The following KRABD5 variants were observed in gnomAD, a reference collection of about 807,000 sequenced individuals.
KRABD5 encodes KRAB domain containing 5.
the KRABD5 span, among the ~76,000 whole-genome samples, chr16:31,722,448 C>T: frequency 6.6e-6 from 1 of 152,136 alleles, no homozygotes; most frequent in Non-Finnish European, 1.5e-5. Context: ...CATTCTCTTT[C>T]CACAGAGTTA....
At chr16:31,744,699 T>C in the KRABD5 span, among the ~76,000 whole-genome samples, 1 of 152,242 alleles carries the variant, frequency 6.6e-6, no homozygotes. Context: ...GAAGGAATGT[T>C]ACCAGCTCCT....
At chr16:31,717,069 T>C in the KRABD5 span, among the ~76,000 whole-genome samples, 1,829 of 143,532 alleles carry the variant, frequency 0.013, 41 homozygotes, top group African/African-American at 0.045. Flanking sequence ...CGTTCTTGGC[T>C]CACTGCAACC....
the KRABD5 span, chr16:31,722,848 A>C: frequency 7.5e-7 from 1 of 1,341,188 alleles, no homozygotes; most frequent in Non-Finnish European, 9.9e-7. Context: ...TATGCTTTAT[A>C]TGAATGAATT....
At chr16:31,713,286 T>G in the KRABD5 span, 3 of 1,125,896 alleles carry the variant, frequency 2.7e-6, no homozygotes, top group Non-Finnish European at 3.9e-6. Context: ...AAGAGCTCAG[T>G]CTCTTCACCA....
chr16:31,743,191 T>C, the KRABD5 span, among the ~76,000 whole-genome samples: 1 of 152,206 alleles, frequency 6.6e-6, no homozygotes, highest in South Asian at 2.1e-4. Flanking sequence ...CGTGAAGTCT[T>C]TGCCCATGTC....
At chr16:31,744,424 G>A in the KRABD5 span, among the ~76,000 whole-genome samples, 22 of 152,204 alleles carry the variant, frequency 1.4e-4, no homozygotes, top group East Asian at 3.1e-3. Context: ...GACGGATTAC[G>A]TTTATTGATT....
the KRABD5 span, among the ~76,000 whole-genome samples, chr16:31,729,835 C>G: frequency 1.3e-5 from 2 of 151,440 alleles, no homozygotes; most frequent in East Asian, 3.9e-4. Context: ...GGTTATAAGA[C>G]TTACATAAAA....
At chr16:31,750,327 T>C in the KRABD5 span, among the ~76,000 whole-genome samples, 5 of 152,316 alleles carry the variant, frequency 3.3e-5, no homozygotes, top group South Asian at 1.0e-3. Context: ...TGTTCTTGAT[T>C]TGGCACTCAG....
At chr16:31,717,993 T>G in the KRABD5 span, among the ~76,000 whole-genome samples, 573 of 152,290 alleles carry the variant, frequency 3.8e-3, 2 homozygotes, top group Non-Finnish European at 5.7e-3. Flanking sequence ...TCCATGCCCC[T>G]GGCATCTTCA....
At chr16:31,752,905 T>G in the KRABD5 span, among the ~76,000 whole-genome samples, 1 of 152,204 alleles carries the variant, frequency 6.6e-6, no homozygotes, top group African/African-American at 2.4e-5. Flanking sequence ...AGTTAATAGA[T>G]TTCTACTTCT....
At chr16:31,730,949 T>G in the KRABD5 span, among the ~76,000 whole-genome samples, 113 of 152,348 alleles carry the variant, frequency 7.4e-4, no homozygotes, top group African/African-American at 2.7e-3. Flanking sequence ...TATAAAACTT[T>G]TTAGTTATCT....
chr16:31,742,109 C>T, the KRABD5 span, among the ~76,000 whole-genome samples: 1 of 151,104 alleles, frequency 6.6e-6, no homozygotes, highest in African/African-American at 2.4e-5. Flanking sequence ...GTGTGTGCCT[C>T]TATTTATTTC....
the KRABD5 span, among the ~76,000 whole-genome samples, chr16:31,746,868 T>C: frequency 2.0e-5 from 3 of 152,114 alleles, no homozygotes; most frequent in African/African-American, 7.2e-5. Flanking sequence ...AGCCAGGTGG[T>C]CTTCAAATGC....
At chr16:31,719,851 C>T in the KRABD5 span, among the ~76,000 whole-genome samples, 6 of 152,170 alleles carry the variant, frequency 3.9e-5, no homozygotes, top group Non-Finnish European at 7.3e-5. Flanking sequence ...TCCTGCAGAC[C>T]CAGTAGTTGC....
chr16:31,742,254 G>C, the KRABD5 span, among the ~76,000 whole-genome samples: 1 of 149,716 alleles, frequency 6.7e-6, no homozygotes, highest in Non-Finnish European at 1.5e-5. Context: ...ATAGGTATAT[G>C]TGTGCCATGG....
chr16:31,754,105 A>G, the KRABD5 span: 1 of 709,252 alleles, frequency 1.4e-6, no homozygotes, highest in Non-Finnish European at 2.5e-6. Flanking sequence ...GGAAATTTGG[A>G]TAATCCGAAT....
At chr16:31,713,427 T>A in the KRABD5 span, 4 of 1,605,676 alleles carry the variant, frequency 2.5e-6, no homozygotes, top group Non-Finnish European at 3.4e-6. Context: ...TCCCGGAAGC[T>A]GGGAAATGGT....
At chr16:31,748,710 TTCTCA>T in the KRABD5 span, among the ~76,000 whole-genome samples, 1 of 152,164 alleles carries the variant, frequency 6.6e-6, no homozygotes, top group East Asian at 1.9e-4. Flanking sequence ...AGTTGATTCT[TTCTCA>T]TCTCTGTGAG....
the KRABD5 span, chr16:31,758,467 A>AT: frequency 1.5e-4 from 23 of 151,960 alleles, no homozygotes; most frequent in African/African-American, 5.6e-4. Flanking sequence ...TTCAGGAAAA[A>AT]CTTAAACACT....
Sources: gnomAD v4.1 joint callset for allele counts (sites outside exome capture counted in the v4.1 genomes callset) on GRCh38, gnomAD v4.1.1 for gene constraint, MANE v1.5 for transcripts, NCBI Gene and HGNC (gene_info 2026-07-23, HGNC 2026-07-21) for gene names.